Variants in FHIT observed in about 807,000 individuals in gnomAD.
FHIT encodes bis(5'-adenosyl)-triphosphatase.
FHIT carries 19 observed loss-of-function variants against 17.9 expected under a neutral mutation model. The observed-to-expected ratio is 1.06, with a 90% CI of 0.74 to 1.56. FHIT has a LOEUF of 1.56. Ranked by LOEUF, FHIT falls within the 40% of genes most tolerant of loss-of-function variation. The probability of loss-of-function intolerance (pLI) is 0.00; values close to 1 mark genes in which losing one functional copy is unlikely to be tolerated. For synonymous variants in FHIT, 81 were observed against 69.7 expected, an observed-to-expected ratio of 1.16 and a Z score of -0.81; for missense variants, 248 against 189.2, an observed-to-expected ratio of 1.31 and a Z score of -1.82.
chr3:60,664,128 T>A (rs1267347573), intron 4 of FHIT, among the ~76,000 whole-genome samples: 1 of 152,192 alleles, frequency 6.6e-6, no homozygotes, highest in Non-Finnish European at 1.5e-5. Flanking sequence ...TATTTCTAAA[T>A]TGCTGAGAAT....
chr3:60,187,696 C>T (rs1279165841), intron 5 of FHIT, among the ~76,000 whole-genome samples: 1 of 152,162 alleles, frequency 6.6e-6, no homozygotes, highest in Non-Finnish European at 1.5e-5. Flanking sequence ...TATTTCAATA[C>T]AAATCACAGT....
intron 4 of FHIT, among the ~76,000 whole-genome samples, chr3:60,559,734 A>G (rs1643028100): frequency 8.0e-6 from 1 of 124,474 alleles, no homozygotes; most frequent in Admixed American, 7.5e-5. Flanking sequence ...TCCCAGCTCT[A>G]GAAGATGAGA....
intron 4 of FHIT, among the ~76,000 whole-genome samples, chr3:60,623,870 C>A (rs2107757973): frequency 6.6e-6 from 1 of 152,268 alleles, no homozygotes; most frequent in South Asian, 2.1e-4. Flanking sequence ...AGGCTTCTCT[C>A]AAGGTCAATG....
intron 4 of FHIT, among the ~76,000 whole-genome samples, chr3:60,713,524 C>T (rs1337829505): frequency 2.7e-5 from 4 of 150,252 alleles, no homozygotes; most frequent in Non-Finnish European, 3.0e-5. Flanking sequence ...AATTGATAGA[C>T]CGCTAGCAAG....
chr3:61,183,543 G>A (rs2038409609), intron 2 of FHIT, among the ~76,000 whole-genome samples: 1 of 152,134 alleles, frequency 6.6e-6, no homozygotes, highest in African/African-American at 2.4e-5. Flanking sequence ...TACAAACTGT[G>A]CAATCTTGGT....
At chr3:60,431,494 A>G (rs1456460344) in intron 5 of FHIT, among the ~76,000 whole-genome samples, 3 of 151,896 alleles carry the variant, frequency 2.0e-5, no homozygotes, top group Non-Finnish European at 2.9e-5. Flanking sequence ...CCTCAAAACT[A>G]TCTCCCCACC....
intron 4 of FHIT, among the ~76,000 whole-genome samples, chr3:60,555,623 C>A (rs144099129): frequency 5.9e-5 from 9 of 152,312 alleles, no homozygotes; most frequent in African/African-American, 1.9e-4. Flanking sequence ...ATCCTCTCGC[C>A]ATGAGAGGCA....
intron 4 of FHIT, among the ~76,000 whole-genome samples, chr3:60,780,210 C>T (rs1245371123): frequency 6.6e-6 from 1 of 152,148 alleles, no homozygotes; most frequent in African/African-American, 2.4e-5. Context: ...CTCTGGGACT[C>T]CTTTAAAAGG....
intron 4 of FHIT, among the ~76,000 whole-genome samples, chr3:60,808,438 T>A (rs1330133735): frequency 6.6e-6 from 1 of 152,168 alleles, no homozygotes; most frequent in Non-Finnish European, 1.5e-5. Context: ...ATGGCCGTCC[T>A]AGGCTTTAGG....
At chr3:60,392,345 C>G (rs1162971411) in intron 5 of FHIT, among the ~76,000 whole-genome samples, 9 of 151,948 alleles carry the variant, frequency 5.9e-5, no homozygotes, top group Non-Finnish European at 1.0e-4. Context: ...GGGCAATGCC[C>G]AAAATAAACC....
intron 3 of FHIT, among the ~76,000 whole-genome samples, chr3:60,951,706 A>C (rs1295693081): frequency 6.6e-6 from 1 of 151,032 alleles, no homozygotes; most frequent in Non-Finnish European, 1.5e-5. Flanking sequence ...TATCTGGCTA[A>C]AAGATGTAAG....
chr3:61,160,019 A>G (rs1422141701), intron 2 of FHIT, among the ~76,000 whole-genome samples: 1 of 152,212 alleles, frequency 6.6e-6, no homozygotes, highest in African/African-American at 2.4e-5. Context: ...AATATACAAC[A>G]TCTGCCACAA....
At chr3:60,262,616 C>T (rs541715967) in intron 5 of FHIT, among the ~76,000 whole-genome samples, 24 of 151,900 alleles carry the variant, frequency 1.6e-4, no homozygotes, top group Non-Finnish European at 3.5e-4. Flanking sequence ...ACCCTTTTTA[C>T]CTCTAGCCAA....
At chr3:59,899,383 G>T (rs953314077) in intron 8 of FHIT, among the ~76,000 whole-genome samples, 1 of 152,156 alleles carries the variant, frequency 6.6e-6, no homozygotes, top group African/African-American at 2.4e-5. Flanking sequence ...GTAAATAATG[G>T]CCTTGTGGCT....
At chr3:59,930,786 A>G (rs764093873) in intron 7 of FHIT, among the ~76,000 whole-genome samples, 4 of 152,192 alleles carry the variant, frequency 2.6e-5, no homozygotes, top group Non-Finnish European at 5.9e-5. Flanking sequence ...AGTGGCTTTT[A>G]GAAGACCAAT....
intron 3 of FHIT, among the ~76,000 whole-genome samples, chr3:60,986,059 T>A (rs9867019): frequency 0.013 from 1,967 of 152,366 alleles, 39 homozygotes; most frequent in African/African-American, 0.044. Context: ...TTAGGCCTAC[T>A]GAGATAATGT....
chr3:60,452,055 C>A (rs879012535), intron 5 of FHIT, among the ~76,000 whole-genome samples: 14 of 152,246 alleles, frequency 9.2e-5, no homozygotes, highest in Admixed American at 2.6e-4. Context: ...AGCAAATAAA[C>A]ATACCACACT....
At chr3:61,196,083 G>T (rs1321922066) in intron 2 of FHIT, among the ~76,000 whole-genome samples, 2 of 152,114 alleles carry the variant, frequency 1.3e-5, no homozygotes, top group Non-Finnish European at 2.9e-5. Context: ...ACCAGAAGTG[G>T]TAAGAGTGGA....
At chr3:61,086,545 A>C (rs2035312476) in intron 2 of FHIT, among the ~76,000 whole-genome samples, 1 of 152,118 alleles carries the variant, frequency 6.6e-6, no homozygotes, top group African/African-American at 2.4e-5. Flanking sequence ...TAAGCTTTTC[A>C]GGTCTTTGTC....
Sources: allele counts gnomAD v4.1 joint callset (sites outside exome capture counted in the v4.1 genomes callset), GRCh38; gene constraint gnomAD v4.1.1; transcripts MANE v1.5; gene names NCBI Gene and HGNC (gene_info 2026-07-23, HGNC 2026-07-21).